PTPRD: variants seen among roughly 807,000 people sequenced by gnomAD.
The protein encoded by PTPRD is protein tyrosine phosphatase receptor type D, also known as receptor-type tyrosine-protein phosphatase delta.
In PTPRD, 34 loss-of-function variants were observed where a neutral mutation model predicts 214.5. The ratio of observed to expected loss-of-function variants is 0.16; its 90% CI spans 0.12 to 0.21. PTPRD has a LOEUF of 0.21. Ranked by LOEUF, PTPRD falls within the 10% of genes least tolerant of loss-of-function variation. PTPRD has a pLI of 1.00. For synonymous variants in PTPRD, 1,128 were observed against 845.7 expected (o/e 1.33, Z -5.79); for missense variants, 2,545 against 2,398.7 (o/e 1.06, Z -1.27).
intron 5 of PTPRD, among the ~76,000 whole-genome samples, chr9:9,861,032 G>C (rs891930792): frequency 6.6e-6 from 1 of 152,074 alleles, no homozygotes; most frequent in Non-Finnish European, 1.5e-5. Context: ...TTTGAATTAG[G>C]CAATTATTTT....
At chr9:9,033,832 G>A (rs2099613339) in intron 10 of PTPRD, among the ~76,000 whole-genome samples, 1 of 152,030 alleles carries the variant, frequency 6.6e-6, no homozygotes, top group Non-Finnish European at 1.5e-5. Context: ...AAATTGACTT[G>A]AGTCAATTGT....
intron 10 of PTPRD, among the ~76,000 whole-genome samples, chr9:9,085,486 G>T (rs1012257815): frequency 2.6e-5 from 4 of 152,064 alleles, no homozygotes; most frequent in Admixed American, 6.6e-5. Context: ...GAAAATAACA[G>T]CGCCTTATTA....
chr9:10,219,175 C>CTA (rs1250293815), intron 3 of PTPRD, among the ~76,000 whole-genome samples: 8 of 151,524 alleles, frequency 5.3e-5, no homozygotes, highest in East Asian at 1.9e-4. Context: ...GTAAGAAAAC[C>CTA]TATATATATA....
chr9:10,349,547 G>T (rs1274672378), intron 2 of PTPRD, among the ~76,000 whole-genome samples: 2 of 151,992 alleles, frequency 1.3e-5, no homozygotes, highest in Non-Finnish European at 2.9e-5. Context: ...CTGTGGATTT[G>T]TTTCCATGTC....
chr9:8,700,341 A>T (rs2154394451), intron 12 of PTPRD, among the ~76,000 whole-genome samples: 1 of 152,364 alleles, frequency 6.6e-6, no homozygotes, highest in Admixed American at 6.5e-5. Flanking sequence ...GAATCAAAAC[A>T]GCTTTTCCAT....
chr9:8,340,226 C>G (rs10976972), intron 42 of PTPRD, 117 bp downstream of exon 42: 2 of 1,198,226 alleles, frequency 1.7e-6, no homozygotes, highest in Non-Finnish European at 2.3e-6. Flanking sequence ...CGGATTATGT[C>G]CAGAGTGCAC....
At chr9:10,421,357 A>G (rs1555324619) in intron 2 of PTPRD, among the ~76,000 whole-genome samples, 1 of 151,930 alleles carries the variant, frequency 6.6e-6, no homozygotes, top group Non-Finnish European at 1.5e-5. Context: ...ATATATTGAC[A>G]GCAATGTTGG....
chr9:10,339,927 A>G (rs2096908299), intron 3 of PTPRD, among the ~76,000 whole-genome samples: 1 of 151,828 alleles, frequency 6.6e-6, no homozygotes, highest in South Asian at 2.1e-4. Flanking sequence ...ACCTTCTGAA[A>G]TAACACCTTA....
chr9:8,562,012 C>G (rs1042607149), intron 14 of PTPRD, among the ~76,000 whole-genome samples: 1 of 152,062 alleles, frequency 6.6e-6, no homozygotes, highest in African/African-American at 2.4e-5. Context: ...ACCATTTAAC[C>G]ACAAACTGGG....
chr9:9,964,417 T>C (rs1400262169), intron 4 of PTPRD, among the ~76,000 whole-genome samples: 1 of 152,214 alleles, frequency 6.6e-6, no homozygotes, highest in Non-Finnish European at 1.5e-5. Flanking sequence ...GAATGTTTTC[T>C]TTCCGTATAA....
At position 8,720,705 on chromosome 9, in the gene PTPRD, T is replaced by C. The variant is rs761429423; in HGVS notation, c.64+13075A>G. ...TTGATGTGTTTTTTTTTAATTGAAA[T>C]TAGAAGCCATTCTAAAAGCCACTCA... On this transcript the variant is annotated intron_variant, in intron 12 of 45. Transcript: ENST00000381196. Among the ~76,000 whole-genome samples the C allele has an allele frequency of 2.0e-5, 3 of 152,042 alleles. No individual in the cohort carries two copies. The South Asian group carries it at 6.2e-4, about 31-fold the overall frequency.
chr9:10,519,893 A>G (rs1008285387), intron 2 of PTPRD, among the ~76,000 whole-genome samples: 5 of 152,048 alleles, frequency 3.3e-5, no homozygotes, highest in African/African-American at 1.2e-4. Context: ...GCATCCCCCC[A>G]TCAATTTCCC....
intron 35 of PTPRD, among the ~76,000 whole-genome samples, chr9:8,419,484 TAA>T (rs2094201192): frequency 6.6e-6 from 1 of 152,012 alleles, no homozygotes; most frequent in African/African-American, 2.4e-5. Flanking sequence ...AACAATTTCA[TAA>T]ATAACAATAT....
At chr9:10,380,602 G>C (rs1040486570) in intron 2 of PTPRD, among the ~76,000 whole-genome samples, 6 of 152,002 alleles carry the variant, frequency 3.9e-5, no homozygotes, top group Admixed American at 3.9e-4. Context: ...CAAAAGGAAA[G>C]TACTGTTTAC....
chr9:8,498,903 T>A (rs1324520619), intron 25 of PTPRD, among the ~76,000 whole-genome samples: 2 of 152,168 alleles, frequency 1.3e-5, no homozygotes, highest in East Asian at 3.9e-4. Flanking sequence ...ATGAAAAATT[T>A]TGGAAATTTT....
chr9:10,465,158 T>C (rs532773993), intron 2 of PTPRD, among the ~76,000 whole-genome samples: 2 of 152,166 alleles, frequency 1.3e-5, no homozygotes, highest in Non-Finnish European at 2.9e-5. Context: ...CAATAATGAA[T>C]CCTGGTTAGT....
intron 2 of PTPRD, among the ~76,000 whole-genome samples, chr9:10,384,710 C>A (rs10959085): frequency 6.6e-6 from 1 of 150,754 alleles, no homozygotes; most frequent in Non-Finnish European, 1.5e-5. Context: ...AGCAGAAACC[C>A]TGTAAGCATA....
intron 11 of PTPRD, among the ~76,000 whole-genome samples, chr9:8,849,811 G>T (rs1601824949): frequency 2.0e-5 from 3 of 152,244 alleles, no homozygotes; most frequent in Middle Eastern, 6.8e-3. Flanking sequence ...GGCTCTGATG[G>T]CTGTGTTGAG....
chr9:10,494,503 T>A (rs2041415745), intron 2 of PTPRD, among the ~76,000 whole-genome samples: 1 of 151,732 alleles, frequency 6.6e-6, no homozygotes, highest in African/African-American at 2.4e-5. Flanking sequence ...ACTAAGGAAA[T>A]TGAGTTTCAA....
Sources: allele counts gnomAD v4.1 joint callset (sites outside exome capture counted in the v4.1 genomes callset), GRCh38; gene constraint gnomAD v4.1.1; transcripts MANE v1.5; gene names NCBI Gene and HGNC (gene_info 2026-07-23, HGNC 2026-07-21).